The following APBB2 variants were observed in gnomAD, a reference collection of about 807,000 sequenced individuals.
APBB2 encodes the protein amyloid beta precursor protein binding family B member 2.
Under a neutral mutation model 82.5 loss-of-function variants are expected in APBB2, and 38 were observed. The observed-to-expected ratio is 0.46, with a 90% CI of 0.36 to 0.60. The LOEUF is 0.60. Ranked by LOEUF, APBB2 falls within the 20% of genes least tolerant of loss-of-function variation. APBB2 has a pLI of 0.00. For synonymous variants in APBB2, 341 were observed against 368.2 expected, an observed-to-expected ratio of 0.93 and a Z score of 0.85; for missense variants, 772 against 972.3, an observed-to-expected ratio of 0.79 and a Z score of 2.74.
At chr4:40,891,470 G>A (rs138848581) in intron 11 of APBB2, among the ~76,000 whole-genome samples, 16 of 152,246 alleles carry the variant, frequency 1.1e-4, no homozygotes, top group East Asian at 7.7e-4. Flanking sequence ...GAGGCTTCTC[G>A]GTAGGTCTTC....
chr4:41,160,187 G>A (rs1292100443), intron 1 of APBB2, among the ~76,000 whole-genome samples: 4 of 152,080 alleles, frequency 2.6e-5, no homozygotes, highest in East Asian at 3.9e-4. Context: ...GAACGGGTGC[G>A]GGGCCTCACA....
rs558137424 is a variant in APBB2, at chr4:40,890,552, G to A, written c.1402-61C>T. The A allele has an allele frequency of 5.0e-6, 8 of 1,588,972 alleles. No individual in the cohort carries two copies. The East Asian group carries it at 9.1e-5, about 18-fold the overall frequency. The stretch of plus-strand genomic sequence containing the variant: ...TGCAGGCTGGAAAGCCTAATCGTGT[G>A]TGTGGCCATCTAGGAATGCCGTGTC... On this transcript the variant is annotated intron_variant, in intron 11 of 17. Coordinates refer to ENST00000508593, the MANE Select transcript of APBB2 (RefSeq NM_004307.2).
intron 6 of APBB2, among the ~76,000 whole-genome samples, chr4:40,991,511 T>A (rs530502895): frequency 5.8e-4 from 89 of 152,162 alleles, no homozygotes; most frequent in African/African-American, 1.5e-3. Flanking sequence ...TTTATTTTTT[T>A]AAAAATATGT....
chr4:41,183,752 G>C lies in APBB2; in HGVS notation c.-417+30653C>G, dbSNP rs368469978. 1.7e-3 allele frequency among the ~76,000 whole-genome samples: 248 copies of C among 145,854 alleles called. 2 individuals are homozygous for C. Among genetic ancestry groups the C allele is most frequent in the African/African-American group, 5.9e-3 (235 of 39,702 alleles). Reference sequence around the variant, plus strand: ...GAACTGTAAAACAATAATTTGTGTTGTTTAAGCCAGTTGTCCCCAACCTTT... The same window carrying C: ...GAACTGTAAAACAATAATTTGTGTTCTTTAAGCCAGTTGTCCCCAACCTTT... On this transcript the variant is annotated intron_variant, in intron 1 of 17. Transcript: ENST00000508593.
chr4:41,204,413 G>A (rs7657549), intron 1 of APBB2, among the ~76,000 whole-genome samples: 39,351 of 152,018 alleles, frequency 0.26, 5,321 homozygotes, highest in African/African-American at 0.33. Context: ...GTGGAGGCAC[G>A]CATTCAGAAA....
chr4:40,897,316 C>G (rs1418576609), intron 10 of APBB2, among the ~76,000 whole-genome samples: 1 of 152,166 alleles, frequency 6.6e-6, no homozygotes, highest in African/African-American at 2.4e-5. Flanking sequence ...CGAGCCTGGC[C>G]AACATGGTGA....
chr4:41,193,695 A>G, intron 1 of APBB2: 1 of 315,624 alleles, frequency 3.2e-6, no homozygotes, highest in Non-Finnish European at 4.6e-6. Context: ...TGTTACAGCA[A>G]CTGTCTGAAA....
At chr4:40,985,804 C>T (rs1800270721) in intron 6 of APBB2, among the ~76,000 whole-genome samples, 1 of 152,016 alleles carries the variant, frequency 6.6e-6, no homozygotes, top group South Asian at 2.1e-4. Flanking sequence ...TGAGTTAGAA[C>T]AAAGCTGGGG....
intron 10 of APBB2, among the ~76,000 whole-genome samples, chr4:40,912,783 G>A (rs1300190107): frequency 1.3e-5 from 2 of 152,140 alleles, no homozygotes; most frequent in African/African-American, 2.4e-5. Flanking sequence ...CCTTCTCGGA[G>A]TCTGAGTAAG....
chr4:40,995,080 A>T (rs1027619785), intron 6 of APBB2, among the ~76,000 whole-genome samples: 1 of 152,082 alleles, frequency 6.6e-6, no homozygotes, highest in Admixed American at 6.5e-5. Flanking sequence ...GCCTCAGACT[A>T]TCCCAGCCTG....
chr4:41,102,878 C>T (rs1371859796), intron 2 of APBB2, among the ~76,000 whole-genome samples: 2 of 152,176 alleles, frequency 1.3e-5, no homozygotes, highest in African/African-American at 4.8e-5. Flanking sequence ...ATTCAGTTCC[C>T]ATCCCTTTTT....
chr4:41,008,984 T>A (rs978720142), intron 6 of APBB2, among the ~76,000 whole-genome samples: 1 of 152,244 alleles, frequency 6.6e-6, no homozygotes, highest in Non-Finnish European at 1.5e-5. Context: ...ACAAGATCCA[T>A]CTAGTTTCAT....
chr4:41,080,555 G>C (rs936175053), intron 3 of APBB2, among the ~76,000 whole-genome samples: 1 of 152,168 alleles, frequency 6.6e-6, no homozygotes, highest in African/African-American at 2.4e-5. Flanking sequence ...TAAATGCAAA[G>C]CTTGATGCCT....
intron 12 of APBB2, among the ~76,000 whole-genome samples, chr4:40,837,394 A>G (rs1179166002): frequency 6.6e-6 from 1 of 152,228 alleles, no homozygotes; most frequent in Non-Finnish European, 1.5e-5. Context: ...CATCTCAGAC[A>G]GGCTGGGAGC....
At chr4:41,032,593 G>A (rs1717262578) in intron 5 of APBB2, among the ~76,000 whole-genome samples, 1 of 151,898 alleles carries the variant, frequency 6.6e-6, no homozygotes. Flanking sequence ...CTCCTTTGTT[G>A]ACATTTCAGC....
intron 1 of APBB2, among the ~76,000 whole-genome samples, chr4:41,207,099 T>C (rs976779602): frequency 2.1e-5 from 3 of 144,674 alleles, no homozygotes; most frequent in Non-Finnish European, 4.5e-5. Context: ...CTTGGGTAGC[T>C]GAGGCAGGAA....
At chr4:40,992,320 C>A (rs1479988542) in intron 6 of APBB2, among the ~76,000 whole-genome samples, 2 of 149,084 alleles carry the variant, frequency 1.3e-5, no homozygotes, top group Admixed American at 6.8e-5. Flanking sequence ...CACGGCACTA[C>A]ACTTAGCTAA....
At chr4:41,156,707 C>A (rs1355978920) in intron 1 of APBB2, among the ~76,000 whole-genome samples, 1 of 152,098 alleles carries the variant, frequency 6.6e-6, no homozygotes, top group Admixed American at 6.6e-5. Flanking sequence ...ATCCTGAATA[C>A]GTTCCTTATC....
At chr4:40,830,703 AG>A (rs1751575249) in intron 12 of APBB2, 126 bp from the exon 13 acceptor site, 2 of 614,182 alleles carry the variant, frequency 3.3e-6, no homozygotes, top group East Asian at 5.5e-5. Flanking sequence ...AATGATTAAA[AG>A]AAAAATTAAA....
Sources: allele counts gnomAD v4.1 joint callset (sites outside exome capture counted in the v4.1 genomes callset), GRCh38; gene constraint gnomAD v4.1.1; transcripts MANE v1.5; gene names NCBI Gene and HGNC (gene_info 2026-07-23, HGNC 2026-07-21).